Variants in CLK3 observed in about 807,000 individuals in gnomAD.
The protein encoded by CLK3 is dual specificity protein kinase CLK3.
A neutral mutation model predicts 65.2 loss-of-function variants in CLK3; 24 were observed. The ratio of observed to expected loss-of-function variants is 0.37; its 90% CI spans 0.27 to 0.52. The LOEUF (loss-of-function observed/expected upper bound fraction) is 0.52. Among genes scored for constraint, CLK3 ranks in the 20% least tolerant of loss-of-function variants. The pLI, the probability that CLK3 is intolerant of heterozygous loss-of-function variation, is 0.92. For missense variants in CLK3, 506 were observed against 660.0 expected, an observed-to-expected ratio of 0.77 and a Z score of 2.56; for synonymous variants, 252 against 240.8, an observed-to-expected ratio of 1.05 and a Z score of -0.43.
upstream of CLK3, chr15:74,615,671 A>ACTAGTCTCCTAGGC: frequency 8.0e-7 from 1 of 1,245,952 alleles, no homozygotes; most frequent in Non-Finnish European, 1.0e-6. Flanking sequence ...CCCTCCCGGA[A>ACTAGTCTCCTAGGC]CTAGTCTCCT....
chr15:74,622,349 CAG>C lies in CLK3; in HGVS notation c.466+135_466+136del. 1 of 1,024,924 alleles carries C rather than the reference CAG, an allele frequency of 9.8e-7. No individual in the cohort carries two copies. The allele number at this position is 1,024,924 out of a possible 1,614,324, so 63.5% of individuals were successfully genotyped here. On this transcript the variant is annotated intron_variant, in intron 4 of 12. Transcript: ENST00000395066. The surrounding 1 kb of genome is among the most constrained non-coding windows in gnomAD (Gnocchi z 4.6). ...GCCACCAGTAATTGCCTGAATGACA[CAG>C]ACACTAGCAACTTCCATTTTTAAGA... is the stretch of plus-strand genomic sequence containing the variant.
In CLK3 at chr15:74,625,990, A is replaced by C. The variant is rs201583871; in HGVS notation, c.817+22A>C. ...AGATGTAAGTGTCCACCCTCAAAAG[A>C]AGCATGGGCAGCCACATGCCTGCAG... On this transcript the variant is annotated intron_variant, in intron 7 of 12. Transcript: ENST00000395066. 8.3e-4 allele frequency: 1,340 copies of C among 1,612,212 alleles called. 1 individual carries two copies. Among genetic ancestry groups the C allele is most frequent in the Non-Finnish European group, 1.1e-3 (1,259 of 1,178,460 alleles).
upstream of CLK3, chr15:74,615,202 G>C (rs961455683): frequency 1.1e-4 from 44 of 392,266 alleles, no homozygotes; most frequent in Admixed American, 2.2e-4. Flanking sequence ...CTCCACAGGA[G>C]GGGGCTCAAG....
chr15:74,619,095 A>T (rs994813511), intron 1 of CLK3, 102 bp from the exon 2 acceptor site: 1 of 1,442,336 alleles, frequency 6.9e-7, no homozygotes, highest in African/African-American at 1.4e-5. Context: ...CTTCAAACAG[A>T]ACAATGGGCC....
chr15:74,614,613 C>G (rs574280563), upstream of CLK3, among the ~76,000 whole-genome samples: 34 of 152,364 alleles, frequency 2.2e-4, no homozygotes, highest in African/African-American at 7.9e-4. Context: ...TGAAACCCCC[C>G]GTTTCAGGGA....
upstream of CLK3, chr15:74,615,162 TGA>T (rs2141532862): frequency 2.8e-6 from 1 of 359,470 alleles, no homozygotes; most frequent in South Asian, 1.5e-4. Context: ...GAGTCTTAAC[TGA>T]GAGGCCACGC....
chr15:74,615,875 G>C lies in CLK3; in HGVS notation c.-24G>C, dbSNP rs554545707. On this transcript the variant is annotated 5_prime_UTR_variant, in exon 1 of 13. Coordinates refer to ENST00000395066, the MANE Select transcript of CLK3 (RefSeq NM_001130028.2). The stretch of plus-strand genomic sequence containing the variant: ...CGCTCGGAGCGGGGAGTGGGGCCTA[G>C]CTGCAGCCGGAGCCTGGGAGACGGT... The C allele has an allele frequency of 6.2e-5, 78 of 1,255,540 alleles. No individual in the cohort carries two copies. The East Asian group carries it at 2.2e-3, about 36-fold the overall frequency. The allele number at this position is 1,255,540 out of a possible 1,614,324, so 77.8% of individuals were successfully genotyped here.
rs1391420481 is a variant in CLK3 at position 74,624,126 on chromosome 15, T to C, written c.534-776T>C. The C allele has an allele frequency of 6.6e-6, 1 of 152,244 alleles. No homozygotes were observed. The highest frequency in any genetic ancestry group is 1.9e-4 in the East Asian group (1 of 5,196). The allele number at this position is 152,244 out of a possible 1,614,324, so 9.4% of individuals were successfully genotyped here. A position where few individuals can be genotyped will look rare whatever the true frequency, so the allele number is the denominator to read the frequency against. On this transcript the variant is annotated intron_variant, in intron 5 of 12. Transcript: ENST00000395066. The surrounding 1 kb of genome is among the most constrained non-coding windows in gnomAD (Gnocchi z 4.2). ...GACACGCCCTTCCAGGCTAGGACTG[T>C]CTCGTTCCCCACTGGGCATCTGAAT...
chr15:74,615,918 C>A lies in CLK3; in HGVS notation c.-1+20C>A. 5.6e-6 allele frequency: 7 copies of A among 1,243,168 alleles called. No homozygotes were observed. Among genetic ancestry groups the A allele is most frequent in the Non-Finnish European group, 5.0e-6 (5 of 994,026 alleles). The allele number at this position is 1,243,168 out of a possible 1,614,324, so 77.0% of individuals were successfully genotyped here. ...GAGACGGTAAGTGTGGGCTGGGGTCCGCGGCGGCGACAGCGGCGGCGGCGG... is the reference window on the plus strand; with the variant it reads ...GAGACGGTAAGTGTGGGCTGGGGTCAGCGGCGGCGACAGCGGCGGCGGCGG... On this transcript the variant is annotated intron_variant, in intron 1 of 12. Transcript: ENST00000395066.
upstream of CLK3, among the ~76,000 whole-genome samples, chr15:74,614,398 C>G (rs1348206991): frequency 6.6e-6 from 1 of 152,216 alleles, no homozygotes; most frequent in Non-Finnish European, 1.5e-5. Flanking sequence ...ACTGCAATCT[C>G]AACCTCCTGG....
chr15:74,620,659 A>C (rs1596287617), intron 3 of CLK3: 1 of 192,784 alleles, frequency 5.2e-6, no homozygotes, highest in East Asian at 1.3e-4. Context: ...TGTGGACTGC[A>C]CCCACCTCTG....
In CLK3 at chr15:74,622,238, C is replaced by T. The variant is rs1189749702; in HGVS notation, c.466+22C>T. The T allele has an allele frequency of 6.2e-7, 1 of 1,601,502 alleles. No homozygotes were observed. Among genetic ancestry groups the T allele is most frequent in the Non-Finnish European group, 8.6e-7 (1 of 1,169,250 alleles). ...CGATGTACAGCCACCTTTCGTAAAA[C>T]TTTACCTCTCTACTTTCTACCCCCC... On this transcript the variant is annotated intron_variant, in intron 4 of 12. Transcript: ENST00000395066. This position sits in a 1 kb window ranked among gnomAD's most constrained non-coding sequence, Gnocchi z 4.6.
chr15:74,629,603 T>C (rs2062176637), intron 12 of CLK3, 104 bp from the exon 13 acceptor site: 1 of 880,980 alleles, frequency 1.1e-6, no homozygotes, highest in African/African-American at 1.7e-5. Flanking sequence ...GAGGCATCAC[T>C]GCCTCCTCGA....
chr15:74,620,609 C>T (rs1596287590), intron 3 of CLK3: 2 of 282,322 alleles, frequency 7.1e-6, no homozygotes, highest in East Asian at 7.9e-5. Context: ...CTGGTCCTTC[C>T]CACCCAGAGA....
intron 1 of CLK3, chr15:74,608,567 A>G (rs1567135485): frequency 6.6e-6 from 1 of 151,570 alleles, no homozygotes; most frequent in Non-Finnish European, 1.5e-5. Flanking sequence ...GGGCACTTCT[A>G]CTCCCAAGGA....
chr15:74,624,823 G>A lies in CLK3; in HGVS notation c.534-79G>A, dbSNP rs753516447. The A allele has an allele frequency of 2.0e-6, 2 of 1,019,898 alleles. 1 individual carries two copies. Among genetic ancestry groups the A allele is most frequent in the South Asian group, 2.7e-5 (2 of 73,824 alleles). The allele number at this position is 1,019,898 out of a possible 1,614,324, so 63.2% of individuals were successfully genotyped here. On this transcript the variant is annotated intron_variant, in intron 5 of 12. Transcript: ENST00000395066. The surrounding 1 kb of genome is among the most constrained non-coding windows in gnomAD (Gnocchi z 4.2). ...GCTCCTGGAGTGGTGTTTGTTGGGA[G>A]TTGCTGGGTTGGGGTGGAGGGTTGG...
At position 74,625,737 on chromosome 15, in the gene CLK3, C is replaced by T. The variant is rs552607552; in HGVS notation, c.651-65C>T. 3.2e-6 allele frequency: 5 copies of T among 1,576,654 alleles called. No individual in the cohort carries two copies. The South Asian group carries it at 4.5e-5, about 14-fold the overall frequency. ...GGAGAGAGTTGGGAACTGTCTTCAT[C>T]TGAGAGAGGGGGTGAGGCAGGCCCC... On this transcript the variant is annotated intron_variant, in intron 6 of 12. Transcript: ENST00000395066.
chr15:74,610,059 G>C (rs113419695), intron 1 of CLK3, among the ~76,000 whole-genome samples: 70 of 152,356 alleles, frequency 4.6e-4, no homozygotes, highest in African/African-American at 1.5e-3. Flanking sequence ...CAATAATGAG[G>C]ACCAGAGAAT....
rs573261462 is a variant in CLK3 at position 74,627,035 on chromosome 15, G to T, written c.818-317G>T. On this transcript the variant is annotated intron_variant, in intron 7 of 12. Coordinates refer to ENST00000395066, the MANE Select transcript of CLK3 (RefSeq NM_001130028.2). This position sits in a 1 kb window ranked among gnomAD's most constrained non-coding sequence, Gnocchi z 4.3. ...GGTGCAGGGAAGAGGGAACCACCTCGAGGCTGTTGCTGTAGCTCTGCTGAG... is the reference window on the plus strand; with the variant it reads ...GGTGCAGGGAAGAGGGAACCACCTCTAGGCTGTTGCTGTAGCTCTGCTGAG... 708 of 505,454 alleles carry T rather than the reference G, an allele frequency of 1.4e-3. 6 individuals carry two copies. The Middle Eastern group carries it at 0.015, about 11-fold the overall frequency. 31.3% of individuals were successfully genotyped at this position (505,454 alleles called of 1,614,324 possible). A position where few individuals can be genotyped will look rare whatever the true frequency, so the allele number is the denominator to read the frequency against.
Sources: gnomAD v4.1 joint callset for allele counts (sites outside exome capture counted in the v4.1 genomes callset) on GRCh38, gnomAD v4.1.1 for gene constraint, Gnocchi (gnomAD v3.1) non-coding constraint, MANE v1.5 for transcripts, NCBI Gene and HGNC (gene_info 2026-07-23, HGNC 2026-07-21) for gene names.